The following ASPG variants were observed in gnomAD, a reference collection of about 807,000 sequenced individuals.
The protein encoded by ASPG is asparaginase.
ASPG carries 53 observed loss-of-function variants against 63.2 expected under a neutral mutation model. The ratio of observed to expected loss-of-function variants is 0.84; its 90% CI spans 0.67 to 1.05. The LOEUF (loss-of-function observed/expected upper bound fraction) is 1.05, where lower values mean the gene tolerates loss of function less well. Among genes scored for constraint, ASPG ranks in the 50% least tolerant of loss-of-function variants. The probability of loss-of-function intolerance (pLI) is 0.00; values close to 1 mark genes in which losing one functional copy is unlikely to be tolerated. For missense variants in ASPG, 741 were observed against 794.4 expected (o/e 0.93, Z 0.81); for synonymous variants, 370 against 355.0 (o/e 1.04, Z -0.48).
intron 2 of ASPG, 69 bp downstream of exon 2, chr14:104,092,810 C>A: frequency 7.4e-7 from 1 of 1,352,594 alleles, no homozygotes; most frequent in Non-Finnish European, 1.0e-6. Flanking sequence ...TGAGGCTGGG[C>A]ACTGCTGGCC....
At chr14:104,096,319 T>C (rs1280774777) in intron 4 of ASPG, among the ~76,000 whole-genome samples, 1 of 152,178 alleles carries the variant, frequency 6.6e-6, no homozygotes, top group African/African-American at 2.4e-5. Flanking sequence ...GGCTAAGGTC[T>C]TGTATGGGAA....
In ASPG at chr14:104,110,259, C is replaced by T. The variant is rs1596113878; in HGVS notation, c.1520+944C>T. On this transcript the variant is annotated intron_variant, in intron 13 of 15. Coordinates refer to ENST00000551177, the MANE Select transcript of ASPG (RefSeq NM_001080464.3). The surrounding 1 kb of genome is among the most constrained non-coding windows in gnomAD (Gnocchi z 4.7). ...AGTGGGTGATGGCGGGGGCTCGGCT[C>T]ACTGGCTGGGAGGGGGTGGGTGCAG... 4 of 984,392 alleles carry T rather than the reference C, an allele frequency of 4.1e-6. No homozygotes were observed. Among genetic ancestry groups the T allele is most frequent in the Non-Finnish European group, 4.8e-6 (4 of 829,538 alleles). 61.0% of individuals were successfully genotyped at this position (984,392 alleles called of 1,614,324 possible). A position where few individuals can be genotyped will look rare whatever the true frequency, so the allele number is the denominator to read the frequency against.
rs573173966 is a variant in ASPG at position 104,104,744 on chromosome 14, G to A, written c.1050+9G>A. ...TGGATGTCAGGAAGGAGGTGCGGGCGCTCTCGGGCTGTGGGCAACCCTCGG... is the reference window on the plus strand; with the variant it reads ...TGGATGTCAGGAAGGAGGTGCGGGCACTCTCGGGCTGTGGGCAACCCTCGG... On this transcript the variant is annotated intron_variant, in intron 9 of 15. Coordinates refer to ENST00000551177, the MANE Select transcript of ASPG (RefSeq NM_001080464.3). The A allele has an allele frequency of 8.2e-6, 13 of 1,579,058 alleles. No individual in the cohort carries two copies. Among genetic ancestry groups the A allele is most frequent in the East Asian group, 4.5e-5 (2 of 44,266 alleles).
intron 1 of ASPG, among the ~76,000 whole-genome samples, chr14:104,087,761 C>G (rs2036259430): frequency 6.6e-6 from 1 of 152,228 alleles, no homozygotes; most frequent in African/African-American, 2.4e-5. Context: ...CAGGTGGACT[C>G]TGTAACCCCA....
rs2037381276 is a variant in ASPG, at chr14:104,111,505, G to A, written c.1524G>A (p.Leu508=). 6 of 1,549,906 alleles carry A rather than the reference G, an allele frequency of 3.9e-6. No individual in the cohort carries two copies. Among genetic ancestry groups the A allele is most frequent in the Admixed American group, 2.0e-5 (1 of 50,944 alleles). The change falls in exon 14 of 16, where the codon CTG becomes CTA. Residue 508 remains leucine (L), a synonymous_variant. Transcript: ENST00000551177. ...CCTCCTCTGCCCCCACCCCCAGGCT[G>A]GCATACAGGGCCGACCTCGAAGGCC... is the stretch of plus-strand genomic sequence containing the variant. ...LEEAGTELCR[L]AYRADLEGLQ...
chr14:104,100,491 T>TC (rs1005884797), intron 6 of ASPG, among the ~76,000 whole-genome samples: 1 of 152,068 alleles, frequency 6.6e-6, no homozygotes, highest in Non-Finnish European at 1.5e-5. Context: ...AGAGGCAGGC[T>TC]CCCACAGGGA....
intron 4 of ASPG, among the ~76,000 whole-genome samples, chr14:104,096,077 C>T (rs1057438560): frequency 3.9e-5 from 6 of 152,216 alleles, no homozygotes; most frequent in Admixed American, 1.3e-4. Flanking sequence ...CTCTTTGCTC[C>T]GCCCACTGTG....
chr14:104,097,716 C>A, intron 5 of ASPG, 79 bp downstream of exon 5: 1 of 1,367,310 alleles, frequency 7.3e-7, no homozygotes, highest in South Asian at 1.3e-5. Flanking sequence ...AACAAAGTCC[C>A]CCCAGCCCCT....
At chr14:104,092,878 CT>C in intron 2 of ASPG, 137 bp downstream of exon 2, 1 of 715,342 alleles carries the variant, frequency 1.4e-6, no homozygotes, top group Non-Finnish European at 2.3e-6. Flanking sequence ...GCTTACAGGG[CT>C]TTAGGACTGA....
intron 9 of ASPG, 92 bp downstream of exon 9, chr14:104,104,827 C>A (rs907548471): frequency 2.4e-5 from 26 of 1,101,614 alleles, no homozygotes; most frequent in South Asian, 3.2e-5. Context: ...GCCGGAAGAG[C>A]CTGGGGGCCG....
Position 104,093,583 on chromosome 14 carries a change from G to A in ASPG, c.284G>A (p.Cys95Tyr), listed in dbSNP as rs753436305. 1.2e-6 allele frequency: 2 copies of A among 1,609,338 alleles called. No homozygotes were observed. The highest frequency in any genetic ancestry group is 1.3e-5 in the African/African-American group (1 of 74,432). The part of the protein sequence containing the change: ...SSDMTIAEWV[C>Y]LAQTIKRHYE... Reference sequence around the variant, plus strand: ...GACATGACCATCGCTGAGTGGGTTTGCCTTGCCCAGACCATCAAGGTAGTG... The same window carrying A: ...GACATGACCATCGCTGAGTGGGTTTACCTTGCCCAGACCATCAAGGTAGTG... Residue 95 changes from cysteine to tyrosine, a missense_variant, in exon 3 of 16, where the codon TGC becomes TAC. Transcript: ENST00000551177.
In ASPG at chr14:104,109,572, ATGTGTGTATGCATG is replaced by A. The variant is rs915135980; in HGVS notation, c.1520+264_1520+277del. ...GGTGTCTCTGTGTGCACATGTGTGCATGTGTGTATGCATGTGTGTGGGTGCATGTGTGTGTGTGT... is the reference window on the plus strand; with the variant it reads ...GGTGTCTCTGTGTGCACATGTGTGCATGTGTGGGTGCATGTGTGTGTGTGT... On this transcript the variant is annotated intron_variant, in intron 13 of 15. Transcript: ENST00000551177. This position sits in a 1 kb window ranked among gnomAD's most constrained non-coding sequence, Gnocchi z 4.8. Among the ~76,000 whole-genome samples, 1 of 147,670 alleles carries A rather than the reference ATGTGTGTATGCATG, an allele frequency of 6.8e-6. No individual in the cohort carries two copies. The highest frequency in any genetic ancestry group is 2.5e-5 in the African/African-American group (1 of 40,020).
intron 15 of ASPG, 68 bp from the exon 16 acceptor site, chr14:104,112,456 G>C (rs1400586663): frequency 4.3e-6 from 4 of 922,738 alleles, no homozygotes; most frequent in Non-Finnish European, 5.4e-6. Flanking sequence ...GGGGTGCCTG[G>C]GCTTGTCTCT....
chr14:104,087,583 G>C (rs776970677), intron 1 of ASPG, among the ~76,000 whole-genome samples: 5 of 152,240 alleles, frequency 3.3e-5, no homozygotes, highest in Non-Finnish European at 7.3e-5. Context: ...GGGGAGCCCA[G>C]CAGGGCCGGA....
At chr14:104,111,399 C>A in intron 13 of ASPG, 103 bp from the exon 14 acceptor site, 2 of 1,146,586 alleles carry the variant, frequency 1.7e-6, no homozygotes, top group South Asian at 1.5e-5. Flanking sequence ...CTGTTTGGGG[C>A]TGGCTTTGTA....
chr14:104,100,165 T>C (rs1021047857), intron 6 of ASPG, among the ~76,000 whole-genome samples: 7 of 152,288 alleles, frequency 4.6e-5, no homozygotes, highest in Non-Finnish European at 1.0e-4. Flanking sequence ...CACAGCTTCC[T>C]GGAAGAATCC....
intron 9 of ASPG, chr14:104,105,042 A>C: frequency 1.7e-6 from 1 of 581,502 alleles, no homozygotes; most frequent in Non-Finnish European, 3.0e-6. Flanking sequence ...CTCTTCCTCG[A>C]GGGTGGGGTT....
chr14:104,112,599 A>G lies in ASPG; in HGVS notation c.*55A>G. 1 of 1,594,814 alleles carries G rather than the reference A, an allele frequency of 6.3e-7. No homozygotes were observed. ...ATTCCTTCCTCCCATGACCTGCTGG[A>G]GGGGTCTCAGGCATGACCCCACTGC... On this transcript the variant is annotated 3_prime_UTR_variant, in exon 16 of 16. Transcript: ENST00000551177.
Position 104,108,034 on chromosome 14 carries a change from G to A in ASPG, c.1433+689G>A, listed in dbSNP as rs1012976973. On this transcript the variant is annotated intron_variant, in intron 12 of 15. Transcript: ENST00000551177. Reference sequence around the variant, plus strand: ...TTCTTTTCGGGGAGGGAGTGCTCAGGAGTCCCATGGAGAGAAGGCCGGGGT... The same window carrying A: ...TTCTTTTCGGGGAGGGAGTGCTCAGAAGTCCCATGGAGAGAAGGCCGGGGT... 6.6e-5 allele frequency among the ~76,000 whole-genome samples: 10 copies of A among 152,158 alleles called. No individual in the cohort carries two copies. The South Asian group carries it at 2.1e-3, about 31-fold the overall frequency.
Sources: allele counts gnomAD v4.1 joint callset (sites outside exome capture counted in the v4.1 genomes callset), GRCh38; gene constraint gnomAD v4.1.1; non-coding constraint Gnocchi (gnomAD v3.1); transcripts MANE v1.5; gene names NCBI Gene and HGNC (gene_info 2026-07-23, HGNC 2026-07-21).